Variants in C20orf96 observed in about 807,000 individuals in gnomAD.
C20orf96 encodes uncharacterized protein C20orf96.
A neutral mutation model predicts 52.6 loss-of-function variants in C20orf96; 57 were observed. The ratio of observed to expected loss-of-function variants is 1.08; its 90% CI spans 0.88 to 1.35. The LOEUF (loss-of-function observed/expected upper bound fraction) is 1.35. Ranked by LOEUF, C20orf96 falls within the 40% of genes most tolerant of loss-of-function variation. The pLI is 0.00. For synonymous variants in C20orf96, 168 were observed against 157.2 expected (o/e 1.07, Z -0.51); for missense variants, 478 against 443.6 (o/e 1.08, Z -0.70).
At chr20:280,668 A>G (rs1438132132) in intron 4 of C20orf96, among the ~76,000 whole-genome samples, 1 of 152,184 alleles carries the variant, frequency 6.6e-6, no homozygotes, top group Non-Finnish European at 1.5e-5. Context: ...TAGCCTTAAA[A>G]CTGCAAGGCA....
intron 10 of C20orf96, among the ~76,000 whole-genome samples, chr20:273,475 G>A (rs543888516): frequency 5.1e-4 from 77 of 152,258 alleles, no homozygotes; most frequent in Middle Eastern, 6.8e-3. Context: ...ACTCAGCTCC[G>A]TGTCAATGCC....
intron 4 of C20orf96, among the ~76,000 whole-genome samples, chr20:281,009 C>T (rs1256943824): frequency 6.6e-6 from 1 of 151,936 alleles, no homozygotes; most frequent in Non-Finnish European, 1.5e-5. Context: ...AAACAAAATT[C>T]GCTGGGTGTG....
chr20:281,495 C>A (rs909074150), intron 4 of C20orf96, among the ~76,000 whole-genome samples: 2 of 152,210 alleles, frequency 1.3e-5, no homozygotes, highest in Non-Finnish European at 2.9e-5. Flanking sequence ...TTCCTCATTT[C>A]TCCGTCCTTT....
intron 3 of C20orf96, 113 bp downstream of exon 3, chr20:289,446 T>C (rs2012479034): frequency 1.4e-6 from 1 of 713,998 alleles, no homozygotes; most frequent in South Asian, 1.6e-5. Flanking sequence ...ATTTGGGCAT[T>C]GTTTATTACA....
chr20:280,882 C>T (rs1439020875), intron 4 of C20orf96, among the ~76,000 whole-genome samples: 2 of 152,138 alleles, frequency 1.3e-5, no homozygotes, highest in African/African-American at 2.4e-5. Context: ...TGGACAGGTG[C>T]GGTGACTCAC....
chr20:276,142 G>A, intron 9 of C20orf96, 56 bp from the exon 10 acceptor site: 1 of 1,609,592 alleles, frequency 6.2e-7, no homozygotes, highest in African/African-American at 1.3e-5. Context: ...CCCAACCAAA[G>A]GGAGAAAGGC....
intron 2 of C20orf96, 102 bp downstream of exon 2, chr20:290,157 C>T: frequency 4.3e-6 from 4 of 923,606 alleles, no homozygotes; most frequent in Non-Finnish European, 6.5e-6. Context: ...ATTCGGGTCT[C>T]CAGCCTATAT....
rs778232002 is a variant in C20orf96 at position 276,838 on chromosome 20, C to G, written c.867G>C (p.Met289Ile). The change falls in exon 9 of 11, where the codon ATG (methionine) becomes ATC (isoleucine). Residue 289 changes from methionine to isoleucine, a missense_variant. By Grantham distance (10) the Met-to-Ile change is conservative. Coordinates refer to ENST00000360321, the MANE Select transcript of C20orf96 (RefSeq NM_153269.3). Reference protein sequence around the residue: ...RPYEEALLQKMWESQDFLKCM... With the variant: ...RPYEEALLQKIWESQDFLKCM... The stretch of plus-strand genomic sequence containing the variant: ...ATTTCAGGAAGTCCTGGCTTTCCCA[C>G]ATCTTCTGTAGGAGAGCCTCTTCAT... 2 of 1,613,902 alleles carry G rather than the reference C, an allele frequency of 1.2e-6. No individual in the cohort carries two copies. The highest frequency in any genetic ancestry group is 1.7e-6 in the Non-Finnish European group (2 of 1,179,894).
At chr20:284,812 C>G (rs143788788) in intron 3 of C20orf96, among the ~76,000 whole-genome samples, 14,014 of 152,186 alleles carry the variant, frequency 0.092, 1,431 homozygotes, top group African/African-American at 0.25. Flanking sequence ...GTGCGAGATC[C>G]CGCCACTGCA....
intron 4 of C20orf96, among the ~76,000 whole-genome samples, chr20:280,654 T>G (rs1435785986): frequency 6.6e-6 from 1 of 152,204 alleles, no homozygotes; most frequent in East Asian, 1.9e-4. Flanking sequence ...AAACAAGAAC[T>G]GAGTAGCCTT....
At chr20:281,921 C>A (rs2122291588) in intron 4 of C20orf96, among the ~76,000 whole-genome samples, 1 of 152,288 alleles carries the variant, frequency 6.6e-6, no homozygotes, top group East Asian at 1.9e-4. Context: ...GAGCCATGAT[C>A]ATGCCACTGC....
In C20orf96 at chr20:275,875, C is replaced by T. The variant is rs537393967; in HGVS notation, c.1031+93G>A. The T allele has an allele frequency of 1.8e-3, 2,149 of 1,199,464 alleles. 4 individuals carry two copies. The highest frequency in any genetic ancestry group is 2.3e-3 in the Non-Finnish European group (1,879 of 806,094). 74.3% of individuals were successfully genotyped at this position (1,199,464 alleles called of 1,614,324 possible). A position where few individuals can be genotyped will look rare whatever the true frequency, so the allele number is the denominator to read the frequency against. On this transcript the variant is annotated intron_variant, in intron 10 of 10. Coordinates refer to ENST00000360321, the MANE Select transcript of C20orf96 (RefSeq NM_153269.3). Reference sequence around the variant, plus strand: ...CCTCCCTCCCTGTACAGGGTTCTGCCATCCACACCAGGCTGCCTTCCCCAA... The same window carrying T: ...CCTCCCTCCCTGTACAGGGTTCTGCTATCCACACCAGGCTGCCTTCCCCAA...
intron 4 of C20orf96, among the ~76,000 whole-genome samples, chr20:279,939 A>C (rs1372572286): frequency 6.6e-6 from 1 of 152,162 alleles, no homozygotes; most frequent in Non-Finnish European, 1.5e-5. Flanking sequence ...ACTGCTCTCC[A>C]GCCTGGGCGA....
rs141341959 is a variant in C20orf96 at position 282,599 on chromosome 20, G to A, written c.306+1364C>T. 2.1e-3 allele frequency among the ~76,000 whole-genome samples: 317 copies of A among 152,258 alleles called. 2 individuals carry two copies. Among genetic ancestry groups the A allele is most frequent in the African/African-American group, 7.0e-3 (293 of 41,566 alleles). ...AAAAATAACAGAAATGGCTGGAAGC[G>A]GTGGCTCACACCTATAATCCCAGCA... On this transcript the variant is annotated intron_variant, in intron 4 of 10. Coordinates refer to ENST00000360321, the MANE Select transcript of C20orf96 (RefSeq NM_153269.3).
rs778334608 is a variant in C20orf96 at position 276,845 on chromosome 20, T to C, written c.860A>G (p.Gln287Arg). The C allele has an allele frequency of 5.0e-6, 8 of 1,613,982 alleles. No individual in the cohort carries two copies. Among genetic ancestry groups the C allele is most frequent in the South Asian group, 2.2e-5 (2 of 91,016 alleles). The change falls in exon 9 of 11, where the codon CAG becomes CGG. Residue 287 changes from glutamine to arginine, a missense_variant. Coordinates refer to ENST00000360321, the MANE Select transcript of C20orf96 (RefSeq NM_153269.3). ...TQRPYEEALL[Q>R]KMWESQDFLK... ...GAAGTCCTGGCTTTCCCACATCTTC[T>C]GTAGGAGAGCCTCTTCATAGGGACG...
chr20:286,326 G>C (rs2012383651), intron 3 of C20orf96, among the ~76,000 whole-genome samples: 1 of 152,052 alleles, frequency 6.6e-6, no homozygotes. Context: ...AGATCAGCCT[G>C]GCGAACATGG....
At position 279,364 on chromosome 20, in the gene C20orf96, T is replaced by C. The variant is rs369425055; in HGVS notation, c.307-34A>G. 4,099 of 1,589,910 alleles carry C rather than the reference T, an allele frequency of 2.6e-3. 48 individuals are homozygous for C. The highest frequency in any genetic ancestry group is 0.014 in the Middle Eastern group (83 of 5,860). ...GGAGGGAAGAGCAGAGAGGCGGCGC[T>C]GCGCCCTGCCCGGCCTGAGCCCCCG... On this transcript the variant is annotated intron_variant, in intron 4 of 10. Transcript: ENST00000360321.
chr20:273,959 G>A (rs1442768609), intron 10 of C20orf96, among the ~76,000 whole-genome samples: 4 of 128,984 alleles, frequency 3.1e-5, no homozygotes, highest in African/African-American at 8.7e-5. Context: ...AAAGAAGGAA[G>A]AAAGAAAAAG....
At position 287,908 on chromosome 20, in the gene C20orf96, C is replaced by CAAAAAAAAAAAAAAAAAAAAAAAA. The variant is rs71327437; in HGVS notation, c.187+1650_187+1651insTTTTTTTTTTTTTTTTTTTTTTTT. ...TGAGCAACAAAGCGAGACTCCTTCT[C>CAAAAAAAAAAAAAAAAAAAAAAAA]AAAAAAAAAAAAAAAAAAAAAAGTC... is the stretch of plus-strand genomic sequence containing the variant. On this transcript the variant is annotated intron_variant, in intron 3 of 10. Coordinates refer to ENST00000360321, the MANE Select transcript of C20orf96 (RefSeq NM_153269.3). 3.2e-5 allele frequency among the ~76,000 whole-genome samples: 2 copies of CAAAAAAAAAAAAAAAAAAAAAAAA among 63,088 alleles called. 1 individual carries two copies. Among genetic ancestry groups the CAAAAAAAAAAAAAAAAAAAAAAAA allele is most frequent in the African/African-American group, 1.1e-4 (2 of 17,408 alleles). 41.4% of individuals were successfully genotyped at this position (63,088 alleles called of 152,430 possible). A position where few individuals can be genotyped will look rare whatever the true frequency, so the allele number is the denominator to read the frequency against.
Sources: gnomAD v4.1 joint callset for allele counts (sites outside exome capture counted in the v4.1 genomes callset) on GRCh38, gnomAD v4.1.1 for gene constraint, MANE v1.5 for transcripts, NCBI Gene and HGNC (gene_info 2026-07-23, HGNC 2026-07-21) for gene names.